SCRN1: variants seen among roughly 807,000 people sequenced by gnomAD.
SCRN1 encodes secernin 1.
In SCRN1, 19 loss-of-function variants were observed where a neutral mutation model predicts 43.3. The observed-to-expected ratio is 0.44, with a 90% CI of 0.31 to 0.64. The LOEUF is 0.64. SCRN1 is among the 30% of genes least tolerant of loss of function. SCRN1 has a pLI of 0.09. For missense variants in SCRN1, 447 were observed against 524.1 expected (o/e 0.85, Z 1.44); for synonymous variants, 183 against 188.9 (o/e 0.97, Z 0.26).
At position 29,920,949 on chromosome 7, in the gene SCRN1, T is replaced by G. The variant is rs957230378; in HGVS notation, c.*3008A>C. On this transcript the variant is annotated 3_prime_UTR_variant, in exon 8 of 8. Transcript: ENST00000242059. ...ACTAAGGAACCTCCATAATTTCGAT[T>G]ATATTCTACCTAAAATTTCAAAGCA... 1 of 152,504 alleles carries G rather than the reference T, an allele frequency of 6.6e-6. No individual in the cohort carries two copies. The highest frequency in any genetic ancestry group is 1.5e-5 in the Non-Finnish European group (1 of 68,036). 9.4% of individuals were successfully genotyped at this position (152,504 alleles called of 1,614,324 possible).
intron 2 of SCRN1, among the ~76,000 whole-genome samples, chr7:29,958,405 C>T (rs1436662542): frequency 6.6e-6 from 1 of 152,190 alleles, no homozygotes; most frequent in Non-Finnish European, 1.5e-5. Flanking sequence ...CCATCTAGAA[C>T]ATGAACTCCA....
chr7:29,948,318 G>T (rs953051554), intron 3 of SCRN1, among the ~76,000 whole-genome samples: 2 of 152,294 alleles, frequency 1.3e-5, no homozygotes, highest in Admixed American at 6.5e-5. Flanking sequence ...AAGGGGAGGA[G>T]ACCTACTTCA....
At chr7:29,989,887 C>T (rs1256965933), upstream of SCRN1, 2 of 1,045,238 alleles carry the variant, frequency 1.9e-6, no homozygotes, top group Non-Finnish European at 2.3e-6. Flanking sequence ...CACCCCGGCC[C>T]CCGGGGCCCC....
chr7:29,950,163 G>A lies in SCRN1; in HGVS notation c.341+5016C>T, dbSNP rs1468006053. On this transcript the variant is annotated intron_variant, in intron 3 of 7. Coordinates refer to ENST00000242059, the MANE Select transcript of SCRN1 (RefSeq NM_014766.5). This position sits in a 1 kb window ranked among gnomAD's most constrained non-coding sequence, Gnocchi z 4.5. ...AGGAAGCCCTTGCCCCTACAGGCTT[G>A]GAAGTGCCTGCTTCCTGCTCCCTGA... Among the ~76,000 whole-genome samples, 1 of 152,206 alleles carries A rather than the reference G, an allele frequency of 6.6e-6. No individual in the cohort carries two copies. The highest frequency in any genetic ancestry group is 2.4e-5 in the African/African-American group (1 of 41,462).
intron 2 of SCRN1, among the ~76,000 whole-genome samples, chr7:29,959,847 G>A (rs890480886): frequency 6.6e-6 from 1 of 151,946 alleles, no homozygotes; most frequent in South Asian, 2.1e-4. Context: ...ATGTTCTCTT[G>A]GAAGTGAGGG....
chr7:29,967,829 C>A (rs1028410743), intron 2 of SCRN1, among the ~76,000 whole-genome samples: 2 of 151,988 alleles, frequency 1.3e-5, no homozygotes, highest in Non-Finnish European at 2.9e-5. Flanking sequence ...GCTGACACAA[C>A]CAATAAAAGA....
chr7:29,953,236 T>G (rs996597397), intron 3 of SCRN1, among the ~76,000 whole-genome samples: 11 of 152,236 alleles, frequency 7.2e-5, no homozygotes, highest in Non-Finnish European at 1.2e-4. Context: ...TCTTATATTA[T>G]TCTTAAAATT....
Position 29,920,982 on chromosome 7 carries a change from G to A in SCRN1, c.*2975C>T, listed in dbSNP as rs1230298485. Reference sequence around the variant, plus strand: ...ACCTAAAATTTCAAAGCACCTCCAAGAATGAAAGGGTACTATTTCTGCTTT... The same window carrying A: ...ACCTAAAATTTCAAAGCACCTCCAAAAATGAAAGGGTACTATTTCTGCTTT... On this transcript the variant is annotated 3_prime_UTR_variant, in exon 8 of 8. Transcript: ENST00000242059. 1 of 152,558 alleles carries A rather than the reference G, an allele frequency of 6.6e-6. No individual in the cohort carries two copies. Among genetic ancestry groups the A allele is most frequent in the Non-Finnish European group, 1.5e-5 (1 of 68,032 alleles). 9.5% of individuals were successfully genotyped at this position (152,558 alleles called of 1,614,324 possible).
intron 5 of SCRN1, among the ~76,000 whole-genome samples, chr7:29,937,453 A>AT (rs1348443504): frequency 6.6e-6 from 1 of 152,086 alleles, no homozygotes; most frequent in Non-Finnish European, 1.5e-5. Context: ...ATAACCTACT[A>AT]TTTTTTTTAA....
At position 29,940,795 on chromosome 7, in the gene SCRN1, T is replaced by C; in HGVS notation, c.626A>G (p.Gln209Arg). 1 of 1,607,802 alleles carries C rather than the reference T, an allele frequency of 6.2e-7. No individual in the cohort carries two copies. Among genetic ancestry groups the C allele is most frequent in the Non-Finnish European group, 8.5e-7 (1 of 1,178,384 alleles). ...CTCTCCCGTCCACCAACCTTGGCTC[T>C]GAGCGTAACTCCTGAGTTCCGGATG... Reference protein sequence around the residue: ...AEHPELRSYAQSQGWWTGEGE... With the variant: ...AEHPELRSYARSQGWWTGEGE... The change falls in exon 5 of 8, where the codon CAG (glutamine) becomes CGG (arginine). Residue 209 changes from glutamine to arginine, a missense_variant. Coordinates refer to ENST00000242059, the MANE Select transcript of SCRN1 (RefSeq NM_014766.5).
At chr7:29,938,649 C>T (rs1787424943) in intron 5 of SCRN1, among the ~76,000 whole-genome samples, 1 of 152,248 alleles carries the variant, frequency 6.6e-6, no homozygotes, top group Non-Finnish European at 1.5e-5. Context: ...TAAGGACATG[C>T]TCCTGCTGCA....
intron 2 of SCRN1, among the ~76,000 whole-genome samples, chr7:29,962,351 A>C (rs1017462020): frequency 6.6e-6 from 1 of 151,508 alleles, no homozygotes; most frequent in Non-Finnish European, 1.5e-5. Context: ...TCAACACTCA[A>C]GTATGAGGTT....
chr7:29,990,042 T>C (rs1370744150), upstream of SCRN1: 4 of 1,484,208 alleles, frequency 2.7e-6, no homozygotes, highest in East Asian at 7.4e-5. Context: ...TATTTCTTGG[T>C]TGTGGCTCTC....
In SCRN1 at chr7:29,962,198, T is replaced by G. The variant is rs1440612230; in HGVS notation, c.159+6711A>C. On this transcript the variant is annotated intron_variant, in intron 2 of 7. Transcript: ENST00000242059. ...AATAATATAATTATTTACATATAAT[T>G]AAATTATACAATTATTAAATATAAT... is the stretch of plus-strand genomic sequence containing the variant. Among the ~76,000 whole-genome samples, 8 of 148,136 alleles carry G rather than the reference T, an allele frequency of 5.4e-5. No homozygotes were observed. In the Admixed American group the frequency reaches 5.4e-4, roughly 10 times the overall value.
rs58247318 is a variant in SCRN1 at position 29,966,159 on chromosome 7, CAGAGAGAGAGAG to C, written c.159+2738_159+2749del. On this transcript the variant is annotated intron_variant, in intron 2 of 7. Transcript: ENST00000242059. ...AGACAGAGAGAGAGAGACCGAGAGA[CAGAGAGAGAGAG>C]AGAGAGAGAGAGAGAGAGAGAGAGA... Among the ~76,000 whole-genome samples the C allele has an allele frequency of 4.9e-3, 413 of 84,470 alleles. 2 individuals are homozygous for C. The highest frequency in any genetic ancestry group is 0.017 in the African/African-American group (338 of 20,046). The allele number at this position is 84,470 out of a possible 152,430, so 55.4% of individuals were successfully genotyped here. A position where few individuals can be genotyped will look rare whatever the true frequency, so the allele number is the denominator to read the frequency against.
Position 29,958,074 on chromosome 7 carries a change from A to G in SCRN1, c.160-2714T>C, listed in dbSNP as rs556025764. On this transcript the variant is annotated intron_variant, in intron 2 of 7. Coordinates refer to ENST00000242059, the MANE Select transcript of SCRN1 (RefSeq NM_014766.5). ...ATCCCCAAGTAGCCAGATGGGCCCA[A>G]TCAGCCCTCCTAAGCACCAGACCGA... Among the ~76,000 whole-genome samples, 20 of 152,272 alleles carry G rather than the reference A, an allele frequency of 1.3e-4. No individual in the cohort carries two copies. In the South Asian group the frequency reaches 4.1e-3, roughly 32 times the overall value.
At chr7:29,935,119 C>A (rs1288750487) in intron 6 of SCRN1, among the ~76,000 whole-genome samples, 2 of 152,208 alleles carry the variant, frequency 1.3e-5, no homozygotes, top group East Asian at 1.9e-4. Context: ...CCATGGTACA[C>A]AACAGACACA....
intron 1 of SCRN1, among the ~76,000 whole-genome samples, chr7:29,970,768 G>A (rs1203120106): frequency 1.3e-5 from 2 of 152,108 alleles, no homozygotes; most frequent in African/African-American, 2.4e-5. Context: ...CTCTGCACCT[G>A]GCTTGAATGC....
chr7:29,969,112 G>T, intron 1 of SCRN1, 44 bp from the exon 2 acceptor site: 2 of 1,589,286 alleles, frequency 1.3e-6, no homozygotes, highest in Non-Finnish European at 1.7e-6. Context: ...GCCTCACATG[G>T]AACACTCCAA....
Sources: allele counts gnomAD v4.1 joint callset (sites outside exome capture counted in the v4.1 genomes callset), GRCh38; gene constraint gnomAD v4.1.1; non-coding constraint Gnocchi (gnomAD v3.1); transcripts MANE v1.5; gene names NCBI Gene and HGNC (gene_info 2026-07-23, HGNC 2026-07-21).